NFASC: variants seen among roughly 807,000 people sequenced by gnomAD.
NFASC encodes neurofascin homolog.
A neutral mutation model predicts 147.5 loss-of-function variants in NFASC; 43 were observed. The ratio of observed to expected loss-of-function variants is 0.29; its 90% CI spans 0.23 to 0.38. NFASC has a LOEUF of 0.38. Ranked by LOEUF, NFASC falls within the 10% of genes least tolerant of loss-of-function variation. The pLI is 1.00. For missense variants in NFASC, 1,320 were observed against 1,689.0 expected (o/e 0.78, Z 3.83); for synonymous variants, 622 against 665.5 (o/e 0.93, Z 1.01).
chr1:204,848,077 C>T (rs2075335223), intron 1 of NFASC, among the ~76,000 whole-genome samples: 1 of 152,312 alleles, frequency 6.6e-6, no homozygotes, highest in African/African-American at 2.4e-5. Flanking sequence ...CAGCAGGAAA[C>T]ACTGAGACTT....
At chr1:204,951,663 G>A (rs1461714574) in intron 4 of NFASC, among the ~76,000 whole-genome samples, 1 of 151,504 alleles carries the variant, frequency 6.6e-6, no homozygotes, top group Non-Finnish European at 1.5e-5. Flanking sequence ...TAGAGACGGG[G>A]TTTCACCGTG....
At position 204,970,669 on chromosome 1, in the gene NFASC, G is replaced by A. The variant is rs144130749; in HGVS notation, c.1057G>A (p.Asp353Asn). 8.7e-6 allele frequency: 14 copies of A among 1,614,214 alleles called. No homozygotes were observed. Among genetic ancestry groups the A allele is most frequent in the Non-Finnish European group, 9.3e-6 (11 of 1,180,052 alleles). The change falls in exon 11 of 30, where the codon GAT becomes AAT. Residue 353 changes from aspartate (D) to asparagine (N), a missense_variant. Around this residue, in one of 3 missense-constraint regions of NFASC, gnomAD observed 981 missense variants for 1,289.5 expected, o/e 0.76. Coordinates refer to ENST00000339876, the MANE Select transcript of NFASC (RefSeq NM_001005388.3). ...PKNLILAPGE[D>N]GRLVCRANGN... ...GAACCTTATTCTGGCTCCTGGCGAGGATGGGAGACTGGTGTGTCGAGCCAA... is the reference window on the plus strand; with the variant it reads ...GAACCTTATTCTGGCTCCTGGCGAGAATGGGAGACTGGTGTGTCGAGCCAA...
At chr1:204,947,895 C>T (rs1490526996) in intron 3 of NFASC, among the ~76,000 whole-genome samples, 1 of 152,102 alleles carries the variant, frequency 6.6e-6, no homozygotes, top group African/African-American at 2.4e-5. Context: ...CTCACGCTCA[C>T]ACCTGCTCAC....
At position 204,979,243 on chromosome 1, in the gene NFASC, C is replaced by T. The variant is rs2095469311; in HGVS notation, c.1979-119C>T. ...TTCCTGTGCCTTGGGAAGAATTCTC[C>T]TTGTGCCTTTGTGTGAGAGAGATTA... On this transcript the variant is annotated intron_variant, in intron 18 of 29. Transcript: ENST00000339876. The surrounding 1 kb of genome is among the most constrained non-coding windows in gnomAD (Gnocchi z 6.0). 4 of 1,026,704 alleles carry T rather than the reference C, an allele frequency of 3.9e-6. No homozygotes were observed. The highest frequency in any genetic ancestry group is 1.9e-5 in the Admixed American group (1 of 53,008). 63.6% of individuals were successfully genotyped at this position (1,026,704 alleles called of 1,614,324 possible).
At chr1:204,971,835 A>T (rs1217254075) in intron 11 of NFASC, among the ~76,000 whole-genome samples, 1 of 152,152 alleles carries the variant, frequency 6.6e-6, no homozygotes, top group African/African-American at 2.4e-5. Context: ...TGCCCTCTAC[A>T]GTTCTCTCCG....
At chr1:204,845,996 G>T (rs892188444) in intron 1 of NFASC, among the ~76,000 whole-genome samples, 1 of 152,134 alleles carries the variant, frequency 6.6e-6, no homozygotes, top group Non-Finnish European at 1.5e-5. Flanking sequence ...AGCCCTGATT[G>T]CCTTCATGCT....
At chr1:204,983,569 C>T (rs1451321049) in intron 21 of NFASC, among the ~76,000 whole-genome samples, 3 of 152,130 alleles carry the variant, frequency 2.0e-5, no homozygotes, top group Non-Finnish European at 4.4e-5. Flanking sequence ...TGTAGCCCAG[C>T]AAAGAGGAAC....
At chr1:204,836,584 C>T (rs1231128930) in intron 1 of NFASC, among the ~76,000 whole-genome samples, 5 of 152,210 alleles carry the variant, frequency 3.3e-5, no homozygotes, top group African/African-American at 1.2e-4. Flanking sequence ...ACATTGCTGT[C>T]AGGTGTTGGC....
intron 24 of NFASC, among the ~76,000 whole-genome samples, chr1:204,996,937 C>T (rs533651919): frequency 1.7e-4 from 26 of 152,104 alleles, no homozygotes; most frequent in African/African-American, 4.3e-4. Context: ...TTTCGAGCCA[C>T]GCAGACCATG....
At chr1:205,000,978 C>T in intron 25 of NFASC, 192 bp from the exon 26 acceptor site, 1 of 615,646 alleles carries the variant, frequency 1.6e-6, no homozygotes, top group South Asian at 1.8e-5. Context: ...AAGGCTGCAG[C>T]TTGGAGCTCT....
At position 204,996,919 on chromosome 1, in the gene NFASC, G is replaced by C. The variant is rs548466470; in HGVS notation, c.2783-251G>C. Among the ~76,000 whole-genome samples the C allele has an allele frequency of 3.9e-5, 6 of 152,292 alleles. No homozygotes were observed. The South Asian group carries it at 1.2e-3, about 32-fold the overall frequency. The stretch of plus-strand genomic sequence containing the variant: ...CTCACGCATCCTTGGCTGGGTGCAT[G>C]CTGGGTGTTTCGAGCCACGCAGACC... On this transcript the variant is annotated intron_variant, in intron 24 of 29. Transcript: ENST00000339876.
Position 205,001,296 on chromosome 1 carries a change from G to A in NFASC, c.3136+10G>A. 6.4e-7 allele frequency: 1 copy of A among 1,558,112 alleles called. No individual in the cohort carries two copies. Among genetic ancestry groups the A allele is most frequent in the Non-Finnish European group, 8.8e-7 (1 of 1,132,680 alleles). ...GTTGAGTACATCGACAGTAAGCATT[G>A]CTGTGCGGGGTGGTGGTGGCGGCAG... On this transcript the variant is annotated intron_variant, in intron 26 of 29. Coordinates refer to ENST00000339876, the MANE Select transcript of NFASC (RefSeq NM_001005388.3).
intron 1 of NFASC, among the ~76,000 whole-genome samples, chr1:204,911,262 GA>G (rs2087411025): frequency 6.6e-6 from 1 of 152,172 alleles, no homozygotes; most frequent in African/African-American, 2.4e-5. Flanking sequence ...TTAAAATATA[GA>G]ACCAGCCTTG....
chr1:204,883,680 G>T (rs1404491743), intron 1 of NFASC, among the ~76,000 whole-genome samples: 1 of 152,244 alleles, frequency 6.6e-6, no homozygotes, highest in African/African-American at 2.4e-5. Context: ...AGATTCCCAG[G>T]GAGTGGGCCA....
At chr1:204,956,407 C>G (rs1381148427) in intron 7 of NFASC, among the ~76,000 whole-genome samples, 1 of 152,176 alleles carries the variant, frequency 6.6e-6, no homozygotes, top group Admixed American at 6.5e-5. Flanking sequence ...ACTATGTACT[C>G]TTAGCCTTTA....
chr1:204,937,610 C>T (rs993982648), intron 2 of NFASC, among the ~76,000 whole-genome samples: 13 of 152,194 alleles, frequency 8.5e-5, no homozygotes, highest in Non-Finnish European at 2.9e-5. Context: ...TCCTTCATGT[C>T]TTTCCATGGC....
chr1:204,949,118 T>C (rs972850134), intron 3 of NFASC, among the ~76,000 whole-genome samples: 2 of 152,254 alleles, frequency 1.3e-5, no homozygotes, highest in Admixed American at 6.5e-5. Context: ...CAAATGTCTC[T>C]TCAGTCTTCT....
intron 1 of NFASC, among the ~76,000 whole-genome samples, chr1:204,857,535 C>T (rs1284484540): frequency 2.6e-5 from 4 of 152,202 alleles, no homozygotes; most frequent in Non-Finnish European, 4.4e-5. Flanking sequence ...CCTCGAGTGC[C>T]CTCTGTCTCC....
intron 1 of NFASC, among the ~76,000 whole-genome samples, chr1:204,912,069 T>C (rs1025563205): frequency 1.3e-5 from 2 of 152,142 alleles, no homozygotes; most frequent in Non-Finnish European, 2.9e-5. Flanking sequence ...AGTGATTTTT[T>C]CAAAGAAACG....
Sources: gnomAD v4.1 joint callset for allele counts (sites outside exome capture counted in the v4.1 genomes callset) on GRCh38, gnomAD v4.1.1 for gene constraint, gnomAD v4.1.1 regional missense constraint, Gnocchi (gnomAD v3.1) non-coding constraint, MANE v1.5 for transcripts, NCBI Gene and HGNC (gene_info 2026-07-23, HGNC 2026-07-21) for gene names.